The following L3HYPDH variants were observed in gnomAD, a reference collection of about 807,000 sequenced individuals.
The protein encoded by L3HYPDH is trans-3-hydroxy-L-proline dehydratase.
In L3HYPDH, 32 loss-of-function variants were observed where a neutral mutation model predicts 26.5. The ratio of observed to expected loss-of-function variants is 1.21; its 90% CI spans 0.91 to 1.62. The LOEUF is 1.62. Among genes scored for constraint, L3HYPDH ranks in the 40% most tolerant of loss-of-function variants. L3HYPDH has a pLI of 0.00. For synonymous variants in L3HYPDH, 215 were observed against 196.6 expected, an observed-to-expected ratio of 1.09 and a Z score of -0.78; for missense variants, 554 against 476.4, an observed-to-expected ratio of 1.16 and a Z score of -1.52.
chr14:59,504,337 G>T, the L3HYPDH span: 11 of 408,000 alleles, frequency 2.7e-5, no homozygotes, highest in Admixed American at 4.5e-4. Context: ...CAACAGTTCA[G>T]CTGTTCTTTA....
At chr14:59,503,399 T>A in the L3HYPDH span, among the ~76,000 whole-genome samples, 1 of 152,218 alleles carries the variant, frequency 6.6e-6, no homozygotes, top group African/African-American at 2.4e-5. Context: ...TTCTGCCCCC[T>A]TACTATTCAT....
chr14:59,487,514 TTC>T (rs2139858712), upstream of L3HYPDH: 1 of 557,676 alleles, frequency 1.8e-6, no homozygotes, highest in Admixed American at 3.1e-5. Flanking sequence ...CAATATAGAT[TTC>T]TTTTTATTTT....
At chr14:59,486,578 G>A (rs764719911), upstream of L3HYPDH, 1 of 650,434 alleles carries the variant, frequency 1.5e-6, no homozygotes, top group South Asian at 1.8e-5. Context: ...ATTTAAAAAT[G>A]CTTCAAGACT....
the L3HYPDH span, among the ~76,000 whole-genome samples, chr14:59,493,084 C>T: frequency 6.6e-6 from 1 of 152,088 alleles, no homozygotes; most frequent in Non-Finnish European, 1.5e-5. Flanking sequence ...AGGCGTGAGC[C>T]ACCACGCCCA....
chr14:59,499,174 C>T, the L3HYPDH span, among the ~76,000 whole-genome samples: 1 of 151,630 alleles, frequency 6.6e-6, no homozygotes, highest in African/African-American at 2.4e-5. Context: ...CAGGCATGTG[C>T]CACCACACCC....
chr14:59,476,511 CAT>C (rs1456340220), intron 2 of L3HYPDH, among the ~76,000 whole-genome samples: 1 of 152,182 alleles, frequency 6.6e-6, no homozygotes, highest in Non-Finnish European at 1.5e-5. Flanking sequence ...CCCAAATACA[CAT>C]AGTCTTTGCA....
At chr14:59,503,316 T>C in the L3HYPDH span, among the ~76,000 whole-genome samples, 1 of 152,224 alleles carries the variant, frequency 6.6e-6, no homozygotes, top group African/African-American at 2.4e-5. Flanking sequence ...ATTTTGTATT[T>C]CATTCTTCTA....
At chr14:59,494,675 T>A in the L3HYPDH span, among the ~76,000 whole-genome samples, 1 of 152,220 alleles carries the variant, frequency 6.6e-6, no homozygotes, top group African/African-American at 2.4e-5. Context: ...GAGATGAGCT[T>A]ATAATATTAT....
At chr14:59,483,638 C>T in intron 1 of L3HYPDH, 171 bp downstream of exon 1, 2 of 1,439,170 alleles carry the variant, frequency 1.4e-6, no homozygotes, top group Non-Finnish European at 9.1e-7. Context: ...ATTACACGCA[C>T]CAAATACGCA....
At chr14:59,504,024 A>G in the L3HYPDH span, 10 of 1,613,672 alleles carry the variant, frequency 6.2e-6, no homozygotes, top group East Asian at 2.2e-4. Context: ...TCACTGCAAA[A>G]TTTACCGAAC....
the L3HYPDH span, among the ~76,000 whole-genome samples, chr14:59,493,452 A>G: frequency 1.3e-5 from 2 of 152,208 alleles, no homozygotes; most frequent in Admixed American, 6.5e-5. Flanking sequence ...GCCCAGTCAC[A>G]TCACAAAATA....
At chr14:59,473,199 A>C (rs1348715795) in intron 4 of L3HYPDH, 109 bp from the exon 5 acceptor site, 3 of 1,007,060 alleles carry the variant, frequency 3.0e-6, no homozygotes, top group Non-Finnish European at 4.2e-6. Context: ...CCAAGGGTTA[A>C]TCCTATGGGC....
intron 2 of L3HYPDH, among the ~76,000 whole-genome samples, chr14:59,477,221 T>C (rs1456087542): frequency 6.6e-6 from 1 of 152,228 alleles, no homozygotes; most frequent in Non-Finnish European, 1.5e-5. Context: ...AGGTGGGGTT[T>C]GTTCTTTCTT....
Position 59,483,516 on chromosome 14 carries a change from T to C in L3HYPDH, c.508+293A>G. The C allele has an allele frequency of 3.7e-6, 5 of 1,342,696 alleles. No homozygotes were observed. In the South Asian group the frequency reaches 5.1e-5, roughly 14 times the overall value. 83.2% of individuals were successfully genotyped at this position (1,342,696 alleles called of 1,614,324 possible). A position where few individuals can be genotyped will look rare whatever the true frequency, so the allele number is the denominator to read the frequency against. On this transcript the variant is annotated intron_variant, in intron 1 of 4. Coordinates refer to ENST00000247194, the MANE Select transcript of L3HYPDH (RefSeq NM_144581.2). Reference sequence around the variant, plus strand: ...TTGCTTTATCCACCGGTGAAATCTCTAGGAATGCCTCACCAGTGCAGAGGG... The same window carrying C: ...TTGCTTTATCCACCGGTGAAATCTCCAGGAATGCCTCACCAGTGCAGAGGG...
chr14:59,487,213 T>A (rs1176167448), upstream of L3HYPDH: 1 of 154,712 alleles, frequency 6.5e-6, no homozygotes, highest in Non-Finnish European at 1.4e-5. Flanking sequence ...AAAAAAAAAA[T>A]AAAATAAGGA....
At chr14:59,487,693 G>A, upstream of L3HYPDH, 1 of 1,613,074 alleles carries the variant, frequency 6.2e-7, no homozygotes, top group Non-Finnish European at 8.5e-7. Context: ...AGAGGACAGA[G>A]AACGAATGCA....
rs1371572910 is a variant in L3HYPDH at position 59,484,380 on chromosome 14, C to G, written c.-64G>C. The G allele has an allele frequency of 1.0e-5, 15 of 1,498,026 alleles. No individual in the cohort carries two copies. Among genetic ancestry groups the G allele is most frequent in the Non-Finnish European group, 1.3e-5 (14 of 1,113,258 alleles). The allele number at this position is 1,498,026 out of a possible 1,614,324, so 92.8% of individuals were successfully genotyped here. ...TGGCTTCAAGCCCGACCCTCACCCA[C>G]TGACTCCGCGGGAGGAGGGCGGGAC... On this transcript the variant is annotated 5_prime_UTR_variant, in exon 1 of 5. Coordinates refer to ENST00000247194, the MANE Select transcript of L3HYPDH (RefSeq NM_144581.2).
chr14:59,486,614 A>C, upstream of L3HYPDH: 1 of 799,622 alleles, frequency 1.3e-6, no homozygotes, highest in African/African-American at 1.8e-5. Context: ...TTATTCAAAA[A>C]TTTGAAACTG....
At chr14:59,470,454 T>C (rs1246679958), downstream of L3HYPDH, among the ~76,000 whole-genome samples, 1 of 152,232 alleles carries the variant, frequency 6.6e-6, no homozygotes, top group East Asian at 1.9e-4. Flanking sequence ...TTACTGAGTC[T>C]GGAGGACTTG....
Sources: allele counts gnomAD v4.1 joint callset (sites outside exome capture counted in the v4.1 genomes callset), GRCh38; gene constraint gnomAD v4.1.1; transcripts MANE v1.5; gene names NCBI Gene and HGNC (gene_info 2026-07-23, HGNC 2026-07-21).